MGAT4C: variants seen among roughly 807,000 people sequenced by gnomAD.
MGAT4C encodes the protein MGAT4 family member C, also known as alpha-1,3-mannosyl-glycoprotein 4-beta-N-acetylglucosaminyltransferase C.
In MGAT4C, 19 loss-of-function variants were observed where a neutral mutation model predicts 40.1. The ratio of observed to expected loss-of-function variants is 0.47; its 90% CI spans 0.33 to 0.70. The LOEUF (loss-of-function observed/expected upper bound fraction) is 0.70, where lower values mean the gene tolerates loss of function less well. MGAT4C is among the 30% of genes least tolerant of loss of function. MGAT4C has a pLI of 0.02. For missense variants in MGAT4C, 491 were observed against 563.2 expected (o/e 0.87, Z 1.30); for synonymous variants, 181 against 187.1 (o/e 0.97, Z 0.27).
At chr12:86,483,936 G>A (rs1479981118) in intron 2 of MGAT4C, among the ~76,000 whole-genome samples, 1 of 150,984 alleles carries the variant, frequency 6.6e-6, no homozygotes, top group Non-Finnish European at 1.5e-5. Flanking sequence ...AAAACAACAA[G>A]AGTTATTAAA....
At position 86,256,361 on chromosome 12, in the gene MGAT4C, A is replaced by G. The variant is rs1952519405; in HGVS notation, c.-179T>C. The G allele has an allele frequency of 6.6e-6, 1 of 152,196 alleles. No individual in the cohort carries two copies. Among genetic ancestry groups the G allele is most frequent in the Non-Finnish European group, 1.5e-5 (1 of 68,042 alleles). The allele number at this position is 152,196 out of a possible 1,614,324, so 9.4% of individuals were successfully genotyped here. On this transcript the variant is annotated 5_prime_UTR_variant, in exon 1 of 5. Transcript: ENST00000611864. ...ATTGGCTCTCAATGAAGAGATGTAAACATCCATCATAATGGCACTGTGCTG... is the reference window on the plus strand; with the variant it reads ...ATTGGCTCTCAATGAAGAGATGTAAGCATCCATCATAATGGCACTGTGCTG...
intron 2 of MGAT4C, among the ~76,000 whole-genome samples, chr12:86,537,803 T>G (rs554421763): frequency 1.6e-4 from 25 of 152,320 alleles, no homozygotes; most frequent in East Asian, 3.9e-4. Flanking sequence ...TAATTTTTTT[T>G]GGGCCAGGTG....
At chr12:86,474,905 T>C (rs1957810175) in intron 2 of MGAT4C, among the ~76,000 whole-genome samples, 1 of 152,052 alleles carries the variant, frequency 6.6e-6, no homozygotes, top group African/African-American at 2.4e-5. Context: ...CAGTCAATAA[T>C]TGAAATATAT....
chr12:86,273,003 T>A (rs1406360662), intron 4 of MGAT4C, among the ~76,000 whole-genome samples: 1 of 152,220 alleles, frequency 6.6e-6, no homozygotes, highest in Non-Finnish European at 1.5e-5. Context: ...GAAGTGTCCA[T>A]TAATTATTTC....
intron 3 of MGAT4C, among the ~76,000 whole-genome samples, chr12:86,364,001 A>T (rs2405927): frequency 0.73 from 110,773 of 151,050 alleles, 40,760 homozygotes; most frequent in East Asian, 0.9. Flanking sequence ...CAGAGACACA[A>T]ACACACACAT....
chr12:86,734,245 C>T (rs1950952671), intron 1 of MGAT4C, among the ~76,000 whole-genome samples: 1 of 151,926 alleles, frequency 6.6e-6, no homozygotes, highest in African/African-American at 2.4e-5. Flanking sequence ...GATATTAGGT[C>T]GAGACAAAGC....
At chr12:86,126,936 C>T (rs891520893) in intron 1 of MGAT4C, among the ~76,000 whole-genome samples, 2 of 152,104 alleles carry the variant, frequency 1.3e-5, no homozygotes, top group Non-Finnish European at 2.9e-5. Flanking sequence ...AACTGTTCCA[C>T]CTCAGATTAT....
At chr12:86,814,253 TAC>T (rs1952540378) in intron 1 of MGAT4C, among the ~76,000 whole-genome samples, 1 of 145,646 alleles carries the variant, frequency 6.9e-6, no homozygotes, top group Admixed American at 7.1e-5. Context: ...TGTATATATA[TAC>T]ACATATATAT....
In MGAT4C at chr12:85,961,793, G is replaced by T. The variant is rs900670624; in HGVS notation, c.*17496C>A. ...TTCATTTATTCTAAATAATAGATTA[G>T]CATAGTCAGGAGGCTTGGATTGGCA... On this transcript the variant is annotated 3_prime_UTR_variant, in exon 5 of 5. Transcript: ENST00000611864. 8.6e-5 allele frequency: 13 copies of T among 151,804 alleles called. No homozygotes were observed. Among genetic ancestry groups the T allele is most frequent in the African/African-American group, 2.7e-4 (11 of 41,416 alleles). The allele number at this position is 151,804 out of a possible 1,614,324, so 9.4% of individuals were successfully genotyped here.
chr12:86,708,088 A>C lies in MGAT4C; in HGVS notation c.-229+19121T>G, dbSNP rs534350035. ...CAGGACATCTCAGAGGTCTTCACAGAAGCCGCTTCCATCACAGGCCCAGAG... is the reference window on the plus strand; with the variant it reads ...CAGGACATCTCAGAGGTCTTCACAGCAGCCGCTTCCATCACAGGCCCAGAG... On this transcript the variant is annotated intron_variant, in intron 2 of 7. Coordinates refer to the MGAT4C transcript ENST00000548651. Among the ~76,000 whole-genome samples, 3 of 152,318 alleles carry C rather than the reference A, an allele frequency of 2.0e-5. No homozygotes were observed. The South Asian group carries it at 6.2e-4, about 32-fold the overall frequency.
At chr12:86,670,519 G>A (rs1356297357) in intron 2 of MGAT4C, among the ~76,000 whole-genome samples, 1 of 151,680 alleles carries the variant, frequency 6.6e-6, no homozygotes, top group East Asian at 1.9e-4. Context: ...AAACTAGTCA[G>A]ACAAAAATAA....
intron 2 of MGAT4C, among the ~76,000 whole-genome samples, chr12:86,013,434 A>G (rs754680727): frequency 6.6e-6 from 1 of 152,106 alleles, no homozygotes; most frequent in Non-Finnish European, 1.5e-5. Flanking sequence ...AATGTTTTAA[A>G]TAGAAATAAA....
chr12:86,437,015 A>C (rs1565761761), intron 2 of MGAT4C, among the ~76,000 whole-genome samples: 1 of 151,742 alleles, frequency 6.6e-6, no homozygotes, highest in African/African-American at 2.4e-5. Flanking sequence ...TCGATGTAGA[A>C]ATGAAAATAA....
intron 2 of MGAT4C, chr12:86,013,660 AC>A (rs1888747616): frequency 1.2e-6 from 1 of 835,554 alleles, no homozygotes; most frequent in African/African-American, 1.9e-5. Flanking sequence ...ATTCTTTCGT[AC>A]CATTTAATAC....
At chr12:86,125,042 T>C (rs1225355005) in intron 1 of MGAT4C, among the ~76,000 whole-genome samples, 1 of 152,176 alleles carries the variant, frequency 6.6e-6, no homozygotes, top group African/African-American at 2.4e-5. Flanking sequence ...ACTCACCTGT[T>C]TGTATCTGAC....
chr12:86,247,545 T>A (rs1199126904), intron 1 of MGAT4C, among the ~76,000 whole-genome samples: 1 of 152,196 alleles, frequency 6.6e-6, no homozygotes, highest in Non-Finnish European at 1.5e-5. Context: ...AATACTGTGT[T>A]AAGAACCTGT....
intron 2 of MGAT4C, among the ~76,000 whole-genome samples, chr12:86,721,552 C>T (rs752289497): frequency 1.3e-5 from 2 of 152,120 alleles, no homozygotes; most frequent in East Asian, 1.9e-4. Context: ...GAATCTTTGG[C>T]TAGCAAGTTT....
Position 85,957,160 on chromosome 12 carries a change from T to C in MGAT4C, c.*22129A>G, listed in dbSNP as rs1459800132. The C allele has an allele frequency of 6.6e-6, 1 of 152,194 alleles. No individual in the cohort carries two copies. Among genetic ancestry groups the C allele is most frequent in the African/African-American group, 2.4e-5 (1 of 41,450 alleles). The allele number at this position is 152,194 out of a possible 1,614,324, so 9.4% of individuals were successfully genotyped here. ...CTGTTAGTCAGAACTCAGTTGTTTA[T>C]AAAAGAAATAGTAATAACATGCTAC... On this transcript the variant is annotated 3_prime_UTR_variant, in exon 5 of 5. Transcript: ENST00000611864.
At position 86,543,399 on chromosome 12, in the gene MGAT4C, A is replaced by G. The variant is rs539496943; in HGVS notation, c.-228-108134T>C. Reference sequence around the variant, plus strand: ...TAACACCCAGAAAGGACAGTCTCTGACAGTAAAAATATATAAATTATAAAA... The same window carrying G: ...TAACACCCAGAAAGGACAGTCTCTGGCAGTAAAAATATATAAATTATAAAA... On this transcript the variant is annotated intron_variant, in intron 2 of 7. Coordinates refer to the MGAT4C transcript ENST00000548651. 2.0e-4 allele frequency among the ~76,000 whole-genome samples: 31 copies of G among 151,894 alleles called. No homozygotes were observed. In the East Asian group the frequency reaches 2.3e-3, roughly 11 times the overall value.
Sources: allele counts gnomAD v4.1 joint callset (sites outside exome capture counted in the v4.1 genomes callset), GRCh38; gene constraint gnomAD v4.1.1; transcripts MANE v1.5; gene names NCBI Gene and HGNC (gene_info 2026-07-23, HGNC 2026-07-21).